The following AUTS2 variants were observed in gnomAD, a reference collection of about 807,000 sequenced individuals.
AUTS2 encodes autism susceptibility gene 2 protein.
AUTS2 carries 17 observed loss-of-function variants against 112.4 expected under a neutral mutation model. That is an observed-to-expected ratio of 0.15 (90% CI 0.10 to 0.23). The LOEUF (loss-of-function observed/expected upper bound fraction) is 0.23. AUTS2 is among the 10% of genes least tolerant of loss of function. AUTS2 has a pLI of 1.00. For missense variants in AUTS2, 1,510 were observed against 1,701.6 expected (o/e 0.89, Z 1.98); for synonymous variants, 751 against 702.7 (o/e 1.07, Z -1.09).
At chr7:70,613,678 A>T (rs1804210533) in intron 5 of AUTS2, among the ~76,000 whole-genome samples, 1 of 152,146 alleles carries the variant, frequency 6.6e-6, no homozygotes, top group Non-Finnish European at 1.5e-5. Flanking sequence ...AGATGCCTGG[A>T]TGTCACTCAG....
intron 1 of AUTS2, among the ~76,000 whole-genome samples, chr7:69,646,966 T>A (rs757175421): frequency 6.6e-6 from 1 of 151,990 alleles, no homozygotes; most frequent in Non-Finnish European, 1.5e-5. Flanking sequence ...CGGGCGCCTG[T>A]AGTCCCAGCT....
intron 2 of AUTS2, among the ~76,000 whole-genome samples, chr7:70,043,734 C>T (rs988732447): frequency 1.3e-5 from 2 of 151,856 alleles, no homozygotes; most frequent in African/African-American, 4.8e-5. Context: ...CTCAGCCTCC[C>T]GAGTAGCTGG....
intron 6 of AUTS2, chr7:70,699,396 C>T (rs1809320430): frequency 6.6e-6 from 1 of 152,136 alleles, no homozygotes; most frequent in Non-Finnish European, 1.5e-5. Context: ...GATGTGCTTT[C>T]TGTGATAATC....
chr7:70,642,400 G>A (rs1238233557), intron 5 of AUTS2, among the ~76,000 whole-genome samples: 1 of 152,052 alleles, frequency 6.6e-6, no homozygotes, highest in Non-Finnish European at 1.5e-5. Context: ...TATCCTTCGT[G>A]CACAGATATC....
chr7:69,670,188 G>T (rs1387174888), intron 1 of AUTS2, among the ~76,000 whole-genome samples: 1 of 152,108 alleles, frequency 6.6e-6, no homozygotes, highest in East Asian at 1.9e-4. Context: ...GACTAGAACA[G>T]AAATGGAAAT....
intron 2 of AUTS2, among the ~76,000 whole-genome samples, chr7:69,933,664 T>C (rs1387880460): frequency 2.7e-5 from 4 of 149,894 alleles, no homozygotes; most frequent in Non-Finnish European, 6.0e-5. Flanking sequence ...CCTTTTTTTG[T>C]TTTTTGTTTT....
At chr7:70,229,259 T>C (rs545943306) in intron 4 of AUTS2, among the ~76,000 whole-genome samples, 1 of 152,254 alleles carries the variant, frequency 6.6e-6, no homozygotes, top group Admixed American at 6.5e-5. Flanking sequence ...GCAGGTGTGC[T>C]AACAGTGAAT....
intron 2 of AUTS2, among the ~76,000 whole-genome samples, chr7:70,082,346 G>A (rs1803363487): frequency 6.6e-6 from 1 of 152,178 alleles, no homozygotes; most frequent in Non-Finnish European, 1.5e-5. Flanking sequence ...CTAAGTTTGG[G>A]AGAGGAGAGC....
At chr7:70,331,550 T>C (rs1790750343) in intron 4 of AUTS2, among the ~76,000 whole-genome samples, 2 of 151,610 alleles carry the variant, frequency 1.3e-5, no homozygotes. Flanking sequence ...TTCATGTCTC[T>C]ATCTCCTTCA....
At chr7:69,680,519 A>G (rs893315550) in intron 1 of AUTS2, among the ~76,000 whole-genome samples, 2 of 152,168 alleles carry the variant, frequency 1.3e-5, no homozygotes, top group African/African-American at 4.8e-5. Context: ...AGTGTTAAGT[A>G]TAGTCATTTC....
intron 3 of AUTS2, among the ~76,000 whole-genome samples, chr7:70,130,277 G>T (rs973235125): frequency 5.3e-5 from 8 of 152,164 alleles, no homozygotes; most frequent in Non-Finnish European, 1.0e-4. Flanking sequence ...AGTAGCCATG[G>T]CCTCTCTGTG....
chr7:69,665,170 T>C (rs1795976133), intron 1 of AUTS2, among the ~76,000 whole-genome samples: 3 of 152,228 alleles, frequency 2.0e-5, no homozygotes, highest in Admixed American at 2.0e-4. Flanking sequence ...ACCCCCATCC[T>C]AATGTACTTC....
chr7:69,679,323 G>A (rs571656837), intron 1 of AUTS2, among the ~76,000 whole-genome samples: 23 of 152,354 alleles, frequency 1.5e-4, no homozygotes, highest in African/African-American at 5.3e-4. Flanking sequence ...TCTGGAACCA[G>A]TCTGCCAGGA....
At chr7:70,209,313 G>A (rs975502966) in intron 4 of AUTS2, among the ~76,000 whole-genome samples, 1 of 152,162 alleles carries the variant, frequency 6.6e-6, no homozygotes, top group Non-Finnish European at 1.5e-5. Flanking sequence ...GTATGAGGAA[G>A]AATTTATAGG....
At chr7:70,285,486 T>C (rs563470718) in intron 4 of AUTS2, among the ~76,000 whole-genome samples, 1 of 152,316 alleles carries the variant, frequency 6.6e-6, no homozygotes, top group East Asian at 1.9e-4. Context: ...AGCAGTATTC[T>C]CATGTTTGGA....
intron 1 of AUTS2, among the ~76,000 whole-genome samples, chr7:69,799,324 G>C (rs1192927650): frequency 6.6e-6 from 1 of 152,084 alleles, no homozygotes; most frequent in African/African-American, 2.4e-5. Flanking sequence ...AATAGACATG[G>C]GGTCTGTTGC....
At chr7:70,305,747 T>C (rs1789464274) in intron 4 of AUTS2, among the ~76,000 whole-genome samples, 1 of 152,244 alleles carries the variant, frequency 6.6e-6, no homozygotes, top group South Asian at 2.1e-4. Context: ...AAACAGTGTA[T>C]GTTGACATAG....
intron 6 of AUTS2, among the ~76,000 whole-genome samples, chr7:70,733,470 A>T (rs1410221904): frequency 6.6e-6 from 1 of 152,210 alleles, no homozygotes; most frequent in Admixed American, 6.5e-5. Flanking sequence ...CATACAGAAA[A>T]GTGAAGATCA....
In AUTS2 at chr7:69,909,952, C is replaced by A. The variant is rs994680156; in HGVS notation, c.522+10454C>A. Among the ~76,000 whole-genome samples the A allele has an allele frequency of 3.1e-4, 47 of 152,004 alleles. 1 individual carries two copies. Among genetic ancestry groups the A allele is most frequent in the African/African-American group, 1.0e-3 (43 of 41,372 alleles). Reference sequence around the variant, plus strand: ...TAAAAAATACTATCATCAAATTTTCCTAAGAAATGATGATGAGAAAAGCAG... The same window carrying A: ...TAAAAAATACTATCATCAAATTTTCATAAGAAATGATGATGAGAAAAGCAG... On this transcript the variant is annotated intron_variant, in intron 2 of 18. Coordinates refer to ENST00000342771, the MANE Select transcript of AUTS2 (RefSeq NM_015570.4).
Sources: gnomAD v4.1 joint callset for allele counts (sites outside exome capture counted in the v4.1 genomes callset) on GRCh38, gnomAD v4.1.1 for gene constraint, MANE v1.5 for transcripts, NCBI Gene and HGNC (gene_info 2026-07-23, HGNC 2026-07-21) for gene names.